Variants in CDC42BPA observed in about 807,000 individuals in gnomAD.
CDC42BPA encodes CDC42 binding protein kinase alpha.
In CDC42BPA, 80 loss-of-function variants were observed where a neutral mutation model predicts 223.5. The ratio of observed to expected loss-of-function variants is 0.36; its 90% CI spans 0.30 to 0.43. CDC42BPA has a LOEUF of 0.43. Among genes scored for constraint, CDC42BPA ranks in the 20% least tolerant of loss-of-function variants. CDC42BPA has a pLI of 1.00. For synonymous variants in CDC42BPA, 694 were observed against 718.6 expected (o/e 0.97, Z 0.55); for missense variants, 1,743 against 2,099.9 (o/e 0.83, Z 3.32).
chr1:227,282,310 T>G (rs7537038), intron 1 of CDC42BPA, among the ~76,000 whole-genome samples: 30,670 of 152,180 alleles, frequency 0.2, 3,159 homozygotes, highest in East Asian at 0.26. Flanking sequence ...TATTTTATGG[T>G]TCCTATTCAG....
chr1:227,106,425 A>G (rs913008270), intron 14 of CDC42BPA, among the ~76,000 whole-genome samples: 9 of 152,168 alleles, frequency 5.9e-5, no homozygotes, highest in African/African-American at 2.2e-4. Flanking sequence ...TTGATACCAT[A>G]CACATTAAGT....
chr1:227,255,476 C>T (rs1682878352), intron 1 of CDC42BPA, among the ~76,000 whole-genome samples: 1 of 151,868 alleles, frequency 6.6e-6, no homozygotes, highest in Admixed American at 6.6e-5. Context: ...CTGGAATTGA[C>T]ACAACAGAGA....
At chr1:227,269,748 T>C (rs186969016) in intron 1 of CDC42BPA, among the ~76,000 whole-genome samples, 1 of 152,210 alleles carries the variant, frequency 6.6e-6, no homozygotes, top group Admixed American at 6.5e-5. Context: ...GTCTAACATC[T>C]GGAAGTAAAT....
At chr1:227,066,352 C>A (rs560370223) in intron 21 of CDC42BPA, among the ~76,000 whole-genome samples, 1 of 151,268 alleles carries the variant, frequency 6.6e-6, no homozygotes, top group Non-Finnish European at 1.5e-5. Context: ...ATCGTGTCAC[C>A]GCACTCCAGC....
chr1:227,244,790 G>A (rs562207841), intron 2 of CDC42BPA, among the ~76,000 whole-genome samples: 1 of 152,334 alleles, frequency 6.6e-6, no homozygotes, highest in African/African-American at 2.4e-5. Flanking sequence ...GAAGACAGGA[G>A]AGACAGTCTT....
At chr1:227,178,163 C>T (rs538050064) in intron 5 of CDC42BPA, among the ~76,000 whole-genome samples, 11 of 152,052 alleles carry the variant, frequency 7.2e-5, no homozygotes, top group Non-Finnish European at 1.5e-4. Context: ...GCTCTGTGTC[C>T]CCACCAAAAT....
chr1:227,151,526 C>G (rs1661755715), intron 6 of CDC42BPA, among the ~76,000 whole-genome samples: 1 of 152,092 alleles, frequency 6.6e-6, no homozygotes, highest in South Asian at 2.1e-4. Flanking sequence ...CGTGGTAATT[C>G]TATTTTCAAT....
intron 1 of CDC42BPA, among the ~76,000 whole-genome samples, chr1:227,258,173 C>G (rs1009227438): frequency 1.1e-5 from 1 of 89,760 alleles, no homozygotes; most frequent in Non-Finnish European, 2.3e-5. Flanking sequence ...AAACCCTGTC[C>G]GGGAAAAAAA....
chr1:227,187,551 A>G (rs1401429773), intron 5 of CDC42BPA, among the ~76,000 whole-genome samples: 2 of 151,454 alleles, frequency 1.3e-5, no homozygotes, highest in Non-Finnish European at 2.9e-5. Flanking sequence ...TATAAGTTAC[A>G]TGTAATGGGA....
intron 1 of CDC42BPA, among the ~76,000 whole-genome samples, chr1:227,307,697 T>C (rs1692804075): frequency 6.6e-6 from 1 of 152,218 alleles, no homozygotes; most frequent in South Asian, 2.1e-4. Flanking sequence ...TAGTGTACAT[T>C]AAGTTTCTAC....
At chr1:227,302,538 CTCT>C (rs1289503814) in intron 1 of CDC42BPA, among the ~76,000 whole-genome samples, 1 of 152,118 alleles carries the variant, frequency 6.6e-6, no homozygotes, top group Non-Finnish European at 1.5e-5. Flanking sequence ...CTTTTGGGGT[CTCT>C]TGTTTGTCCC....
chr1:227,073,911 G>A lies in CDC42BPA; in HGVS notation c.2688C>T (p.Ile896=), dbSNP rs137890180. Residue 896 remains isoleucine, a synonymous_variant, in exon 19 of 37, where the codon ATC becomes ATT. Transcript: ENST00000366766. Reference sequence around the variant, plus strand: ...CTTTAACTTTATTCAACTCTTCTTGGATGGCCTGTTTGGCTCTTATTTCTG... The same window carrying A: ...CTTTAACTTTATTCAACTCTTCTTGAATGGCCTGTTTGGCTCTTATTTCTG... The part of the protein sequence containing the change: ...LDAEIRAKQA[I]QEELNKVKAS... 8.5e-5 allele frequency: 137 copies of A among 1,610,018 alleles called. 1 individual carries two copies. The African/African-American group carries it at 1.6e-3, about 19-fold the overall frequency.
chr1:227,158,785 T>C (rs941581288), intron 6 of CDC42BPA, among the ~76,000 whole-genome samples: 4 of 152,176 alleles, frequency 2.6e-5, no homozygotes, highest in African/African-American at 9.7e-5. Flanking sequence ...TCATCTGCTA[T>C]TGTCAAGCCT....
intron 21 of CDC42BPA, among the ~76,000 whole-genome samples, chr1:227,064,956 G>C (rs955233607): frequency 2.0e-5 from 3 of 152,028 alleles, no homozygotes; most frequent in African/African-American, 7.2e-5. Context: ...AATTAGCCGG[G>C]CGTGGTGGTG....
At chr1:227,070,868 A>G (rs1678168854) in intron 20 of CDC42BPA, among the ~76,000 whole-genome samples, 1 of 151,894 alleles carries the variant, frequency 6.6e-6, no homozygotes, top group South Asian at 2.1e-4. Flanking sequence ...GTTTAGGTCT[A>G]TTCTAAAAAT....
chr1:227,302,518 T>G (rs1226484614), intron 1 of CDC42BPA, among the ~76,000 whole-genome samples: 1 of 152,230 alleles, frequency 6.6e-6, no homozygotes, highest in Non-Finnish European at 1.5e-5. Context: ...GTATTCACAC[T>G]CTTTGGAACC....
chr1:227,293,028 G>C (rs1388764834), intron 1 of CDC42BPA, among the ~76,000 whole-genome samples: 1 of 152,038 alleles, frequency 6.6e-6, no homozygotes, highest in South Asian at 2.1e-4. Context: ...CTTCATCATA[G>C]CTACTGACTC....
At chr1:227,002,129 G>C (rs1222399296) in intron 35 of CDC42BPA, among the ~76,000 whole-genome samples, 1 of 152,136 alleles carries the variant, frequency 6.6e-6, no homozygotes, top group Non-Finnish European at 1.5e-5. Flanking sequence ...ATCTTGCTGG[G>C]AATATAACAT....
chr1:227,134,042 T>G (rs1413376673), intron 10 of CDC42BPA, among the ~76,000 whole-genome samples: 3 of 152,142 alleles, frequency 2.0e-5, no homozygotes, highest in Non-Finnish European at 4.4e-5. Context: ...AATAACTGCA[T>G]GGCCTCCAAA....
Sources: gnomAD v4.1 joint callset for allele counts (sites outside exome capture counted in the v4.1 genomes callset) on GRCh38, gnomAD v4.1.1 for gene constraint, MANE v1.5 for transcripts, NCBI Gene and HGNC (gene_info 2026-07-23, HGNC 2026-07-21) for gene names.